The following TIAM2 variants were observed in gnomAD, a reference collection of about 807,000 sequenced individuals.
TIAM2 encodes the protein TIAM Rac1 associated GEF 2.
TIAM2 carries 80 observed loss-of-function variants against 152.9 expected under a neutral mutation model. The observed-to-expected ratio is 0.52, with a 90% CI of 0.44 to 0.63. The LOEUF (loss-of-function observed/expected upper bound fraction) is 0.63. TIAM2 is among the 30% of genes least tolerant of loss of function. The pLI is 0.00. For synonymous variants in TIAM2, 804 were observed against 838.0 expected, an observed-to-expected ratio of 0.96 and a Z score of 0.70; for missense variants, 1,965 against 2,120.1, an observed-to-expected ratio of 0.93 and a Z score of 1.44.
intron 1 of TIAM2, among the ~76,000 whole-genome samples, chr6:155,078,640 C>T (rs1183613135): frequency 4.3e-4 from 66 of 152,180 alleles, no homozygotes; most frequent in Admixed American, 4.3e-3. Flanking sequence ...GACATCATCC[C>T]GCCTCTGTCT....
rs1239127004 is a variant in TIAM2, at chr6:155,186,993, T to C, written c.3064+3493T>C. Among the ~76,000 whole-genome samples the C allele has an allele frequency of 6.6e-6, 1 of 152,124 alleles. No individual in the cohort carries two copies. The highest frequency in any genetic ancestry group is 2.4e-5 in the African/African-American group (1 of 41,416). On this transcript the variant is annotated intron_variant, in intron 14 of 26. Coordinates refer to ENST00000682666, the MANE Select transcript of TIAM2 (RefSeq NM_012454.4). The surrounding 1 kb of genome is among the most constrained non-coding windows in gnomAD (Gnocchi z 4.5). ...TCCTTTGCTTGCTATAAAAACCAAA[T>C]GGCTGGCTCTCTGGGAAAGAAGACC...
chr6:155,005,001 C>T, intron 1 of TIAM2: 1 of 488,310 alleles, frequency 2.0e-6, no homozygotes, highest in Non-Finnish European at 3.1e-6. Flanking sequence ...CCATTTGCCC[C>T]ATGTGAAGAG....
chr6:155,189,359 T>C (rs1164945086), intron 14 of TIAM2, among the ~76,000 whole-genome samples: 1 of 152,166 alleles, frequency 6.6e-6, no homozygotes, highest in Non-Finnish European at 1.5e-5. Context: ...CTTTTTTTTT[T>C]TTTAAATCAG....
Position 155,218,851 on chromosome 6 carries a change from G to A in TIAM2, c.3168+7544G>A, listed in dbSNP as rs1454353493. On this transcript the variant is annotated intron_variant, in intron 15 of 26. Coordinates refer to ENST00000682666, the MANE Select transcript of TIAM2 (RefSeq NM_012454.4). This position sits in a 1 kb window ranked among gnomAD's most constrained non-coding sequence, Gnocchi z 4.5. ...ATCTCAGCCATCCACCCGTGTTCTC[G>A]ACCATCTCAGCCGCCCACCCGTGTT... is the stretch of plus-strand genomic sequence containing the variant. 6.6e-6 allele frequency among the ~76,000 whole-genome samples: 1 copy of A among 151,000 alleles called. No individual in the cohort carries two copies. The highest frequency in any genetic ancestry group is 1.5e-5 in the Non-Finnish European group (1 of 67,748).
intron 2 of TIAM2, among the ~76,000 whole-genome samples, chr6:155,115,702 T>A (rs1334187106): frequency 1.3e-5 from 2 of 152,184 alleles, no homozygotes; most frequent in Non-Finnish European, 2.9e-5. Flanking sequence ...ATATCCAGGT[T>A]TGATTCCTAC....
chr6:155,179,212 C>T (rs1780831606), intron 11 of TIAM2, 69 bp downstream of exon 11: 1 of 1,506,556 alleles, frequency 6.6e-7, no homozygotes, highest in African/African-American at 1.4e-5. Context: ...TGAAAAATGT[C>T]ATTTTTGGGG....
chr6:155,059,550 A>G (rs1317543792), intron 1 of TIAM2, among the ~76,000 whole-genome samples: 2 of 152,074 alleles, frequency 1.3e-5, no homozygotes, highest in African/African-American at 4.8e-5. Context: ...TCCTGACCTC[A>G]GGTGATCCAC....
chr6:155,111,381 C>G (rs534709266), intron 2 of TIAM2, among the ~76,000 whole-genome samples: 1 of 151,990 alleles, frequency 6.6e-6, no homozygotes, highest in Non-Finnish European at 1.5e-5. Flanking sequence ...TGTATCCAAA[C>G]AGCCAGACAA....
intron 1 of TIAM2, among the ~76,000 whole-genome samples, chr6:155,044,846 A>G (rs1457966673): frequency 2.6e-5 from 4 of 151,550 alleles, no homozygotes; most frequent in Non-Finnish European, 5.9e-5. Context: ...AAAATAGCTC[A>G]TCTTATGTCT....
chr6:155,144,347 A>G (rs79908844), intron 5 of TIAM2, among the ~76,000 whole-genome samples: 1 of 152,340 alleles, frequency 6.6e-6, no homozygotes, highest in East Asian at 1.9e-4. Context: ...CATGTGGAGT[A>G]CTTAGAAGAG....
intron 1 of TIAM2, among the ~76,000 whole-genome samples, chr6:155,070,581 T>C (rs1777818102): frequency 6.6e-6 from 1 of 152,112 alleles, no homozygotes; most frequent in African/African-American, 2.4e-5. Flanking sequence ...TCCTATACCA[T>C]GTAGTCAGAA....
At chr6:155,053,949 G>T (rs1426026814) in intron 1 of TIAM2, among the ~76,000 whole-genome samples, 1 of 152,050 alleles carries the variant, frequency 6.6e-6, no homozygotes, top group African/African-American at 2.4e-5. Context: ...AGGCTGAGGC[G>T]GGCAGATCAC....
intron 9 of TIAM2, among the ~76,000 whole-genome samples, chr6:155,173,641 G>C (rs17086020): frequency 0.2 from 30,424 of 152,124 alleles, 4,113 homozygotes; most frequent in African/African-American, 0.38. Context: ...GCTCAGCACT[G>C]AAGTTTTGGG....
Position 155,148,268 on chromosome 6 carries a change from G to A in TIAM2, c.1962G>A (p.Lys654=), listed in dbSNP as rs1779863640. 9 of 1,612,402 alleles carry A rather than the reference G, an allele frequency of 5.6e-6. No individual in the cohort carries two copies. Among genetic ancestry groups the A allele is most frequent in the Non-Finnish European group, 5.9e-6 (7 of 1,180,020 alleles). The part of the protein sequence containing the change: ...LQKIDMDSKM[K]KMAELQLSVV... ...AGATAGACATGGACAGCAAGATGAA[G>A]AAGATGGCAGAGCTGCAGCTGTCCG... Residue 654 remains lysine (K), a synonymous_variant, in exon 7 of 27, where the codon AAG becomes AAA. Coordinates refer to ENST00000682666, the MANE Select transcript of TIAM2 (RefSeq NM_012454.4).
chr6:155,257,251 CA>C lies in TIAM2; in HGVS notation c.*134del, dbSNP rs2114650288. ...GTTTTGTGCAGTATACATTTTCCCACAAAATGGTTGTAAAGATTTAAGTTAT... is the reference window on the plus strand; with the variant it reads ...GTTTTGTGCAGTATACATTTTCCCACAAATGGTTGTAAAGATTTAAGTTAT... On this transcript the variant is annotated 3_prime_UTR_variant, in exon 27 of 27. Transcript: ENST00000682666. 9.8e-7 allele frequency: 1 copy of C among 1,016,646 alleles called. No homozygotes were observed. The highest frequency in any genetic ancestry group is 1.4e-6 in the Non-Finnish European group (1 of 717,096). The allele number at this position is 1,016,646 out of a possible 1,614,324, so 63.0% of individuals were successfully genotyped here.
At chr6:155,159,551 G>A (rs1042123069) in intron 7 of TIAM2, among the ~76,000 whole-genome samples, 3 of 152,160 alleles carry the variant, frequency 2.0e-5, no homozygotes, top group South Asian at 2.1e-4. Flanking sequence ...GAGAAATGAA[G>A]GTATGGTAAT....
intron 2 of TIAM2, among the ~76,000 whole-genome samples, chr6:155,122,686 G>A (rs984358467): frequency 6.6e-6 from 1 of 152,092 alleles, no homozygotes; most frequent in African/African-American, 2.4e-5. Context: ...TTATTCCAGA[G>A]TGACTTCACT....
chr6:155,019,153 C>CAT (rs1472176908), intron 1 of TIAM2, among the ~76,000 whole-genome samples: 4 of 151,230 alleles, frequency 2.6e-5, no homozygotes, highest in Non-Finnish European at 5.9e-5. Flanking sequence ...CTGGCCAATG[C>CAT]GGTGAAACCC....
At chr6:155,182,595 C>T (rs547263971) in intron 13 of TIAM2, among the ~76,000 whole-genome samples, 2 of 151,524 alleles carry the variant, frequency 1.3e-5, no homozygotes, top group East Asian at 1.9e-4. Flanking sequence ...CTCCTGCCTC[C>T]GTAAAAAAGG....
Sources: allele counts gnomAD v4.1 joint callset (sites outside exome capture counted in the v4.1 genomes callset), GRCh38; gene constraint gnomAD v4.1.1; non-coding constraint Gnocchi (gnomAD v3.1); transcripts MANE v1.5; gene names NCBI Gene and HGNC (gene_info 2026-07-23, HGNC 2026-07-21).